Variants in EDEM3 observed in about 807,000 individuals in gnomAD.
EDEM3 encodes ER degradation enhancing alpha-mannosidase like protein 3.
In EDEM3, 60 loss-of-function variants were observed where a neutral mutation model predicts 110.2. That is an observed-to-expected ratio of 0.54 (90% CI 0.44 to 0.67). EDEM3 has a LOEUF of 0.67. EDEM3 is among the 30% of genes least tolerant of loss of function. The probability of loss-of-function intolerance (pLI) is 0.00; values close to 1 mark genes in which losing one functional copy is unlikely to be tolerated. For synonymous variants in EDEM3, 352 were observed against 382.9 expected, an observed-to-expected ratio of 0.92 and a Z score of 0.94; for missense variants, 996 against 1,121.0, an observed-to-expected ratio of 0.89 and a Z score of 1.59.
intron 6 of EDEM3, among the ~76,000 whole-genome samples, chr1:184,731,297 G>C (rs1331689955): frequency 2.0e-5 from 3 of 152,012 alleles, no homozygotes; most frequent in African/African-American, 7.3e-5. Flanking sequence ...ATTTTCTTAG[G>C]GGAAAACCAA....
intron 1 of EDEM3, among the ~76,000 whole-genome samples, chr1:184,751,796 C>T (rs910838501): frequency 1.3e-5 from 2 of 152,132 alleles, no homozygotes; most frequent in Admixed American, 6.5e-5. Flanking sequence ...TCTTGTTGCC[C>T]GGGCTGGAGT....
intron 19 of EDEM3, among the ~76,000 whole-genome samples, chr1:184,694,676 C>T (rs1025708294): frequency 6.6e-6 from 1 of 151,940 alleles, no homozygotes; most frequent in African/African-American, 2.4e-5. Context: ...CAAAATGTGT[C>T]AGTGTTAGAA....
At chr1:184,714,610 CTGG>C (rs960693836) in intron 13 of EDEM3, among the ~76,000 whole-genome samples, 2 of 152,124 alleles carry the variant, frequency 1.3e-5, no homozygotes, top group Non-Finnish European at 2.9e-5. Context: ...CCACAAGGCA[CTGG>C]TTGGGGTCCA....
chr1:184,697,998 CACAA>C (rs57989932), intron 19 of EDEM3, among the ~76,000 whole-genome samples: 3,281 of 151,452 alleles, frequency 0.022, 41 homozygotes, highest in African/African-American at 0.041. Flanking sequence ...TGCGCACACA[CACAA>C]ACAGAGAGGT....
intron 2 of EDEM3, among the ~76,000 whole-genome samples, chr1:184,746,152 T>C (rs112148998): frequency 1.5e-3 from 224 of 152,320 alleles, no homozygotes; most frequent in African/African-American, 5.2e-3. Flanking sequence ...TCGTTATTAA[T>C]AGTCATGCCA....
rs1062994 is a variant in EDEM3 at position 184,706,680 on chromosome 1, G to A, written c.2166C>T (p.Asn722=). 623,699 of 1,612,514 alleles carry A rather than the reference G, an allele frequency of 0.39. 126,839 individuals are homozygous for A. Among genetic ancestry groups the A allele is most frequent in the East Asian group, 0.53 (23,606 of 44,832 alleles). ...CACCAATGGCTCCAGCATTCTGGAT[G>A]TTGCGTGCCTTTTCTGCAAACATGC... ...GQCMFAEKAR[N]IQNAGAIGGI... The change falls in exon 18 of 20, where the codon AAC becomes AAT. Residue 722 remains asparagine (N), a synonymous_variant. Coordinates refer to ENST00000318130, the MANE Select transcript of EDEM3 (RefSeq NM_025191.4).
chr1:184,712,136 CA>C (rs1650281971), intron 14 of EDEM3, among the ~76,000 whole-genome samples: 1 of 152,004 alleles, frequency 6.6e-6, no homozygotes, highest in Non-Finnish European at 1.5e-5. Context: ...CCATGTTAGC[CA>C]GGATGGTCTC....
chr1:184,728,617 T>TA (rs1558060758), intron 6 of EDEM3, among the ~76,000 whole-genome samples: 1 of 151,746 alleles, frequency 6.6e-6, no homozygotes, highest in Admixed American at 6.6e-5. Flanking sequence ...TTTTTTTTTT[T>TA]AATTTTTTGT....
rs1362537811 is a variant in EDEM3, at chr1:184,749,734, A to G, written c.159-142T>C. 7 of 658,574 alleles carry G rather than the reference A, an allele frequency of 1.1e-5. No individual in the cohort carries two copies. The Admixed American group carries it at 2.4e-4, about 23-fold the overall frequency. 40.8% of individuals were successfully genotyped at this position (658,574 alleles called of 1,614,324 possible). The stretch of plus-strand genomic sequence containing the variant: ...AAAAATTTAGGTAGAAAGGGACATA[A>G]ACAGAATCAGAAACTACAACAGCTA... On this transcript the variant is annotated intron_variant, in intron 1 of 19. Coordinates refer to ENST00000318130, the MANE Select transcript of EDEM3 (RefSeq NM_025191.4).
At chr1:184,746,169 G>C (rs1264081607) in intron 2 of EDEM3, among the ~76,000 whole-genome samples, 3 of 152,176 alleles carry the variant, frequency 2.0e-5, no homozygotes, top group Non-Finnish European at 2.9e-5. Flanking sequence ...GCCAATAAGT[G>C]TTAAAAACCC....
intron 2 of EDEM3, among the ~76,000 whole-genome samples, chr1:184,746,368 G>A (rs1270370482): frequency 1.3e-5 from 2 of 152,230 alleles, no homozygotes; most frequent in African/African-American, 4.8e-5. Flanking sequence ...GTACTATCTG[G>A]AGAACAAGTT....
Position 184,721,344 on chromosome 1 carries a change from A to C in EDEM3, c.896T>G (p.Leu299Arg). 1.9e-6 allele frequency: 3 copies of C among 1,607,506 alleles called. No individual in the cohort carries two copies. Among genetic ancestry groups the C allele is most frequent in the Non-Finnish European group, 2.5e-6 (3 of 1,177,622 alleles). The change falls in exon 9 of 20, where the codon CTG becomes CGG. Residue 299 changes from leucine to arginine, a missense_variant. Leu to Arg is a moderately radical substitution (Grantham distance 102). Transcript: ENST00000318130. Reference sequence around the variant, plus strand: ...TCCAAGCAAGACATAGGCTTTCAACAGATATTCATAATATGAATCAATCCC... The same window carrying C: ...TCCAAGCAAGACATAGGCTTTCAACCGATATTCATAATATGAATCAATCCC... Reference protein sequence around the residue: ...GAGIDSYYEYLLKAYVLLGDD... With the variant: ...GAGIDSYYEYRLKAYVLLGDD...
chr1:184,706,602 T>C (rs774861944), intron 18 of EDEM3, 41 bp downstream of exon 18: 2 of 1,444,826 alleles, frequency 1.4e-6, no homozygotes, highest in East Asian at 2.4e-5. Context: ...CTAAAAATTA[T>C]CTCCCCTTCA....
At chr1:184,733,897 C>T (rs1651676119) in intron 5 of EDEM3, among the ~76,000 whole-genome samples, 1 of 151,370 alleles carries the variant, frequency 6.6e-6, no homozygotes, top group South Asian at 2.1e-4. Context: ...CATTCAGTTT[C>T]TTTTGGCTTA....
chr1:184,748,168 C>G (rs1030076152), intron 2 of EDEM3, among the ~76,000 whole-genome samples: 1 of 152,054 alleles, frequency 6.6e-6, no homozygotes, highest in Non-Finnish European at 1.5e-5. Context: ...AAAAACAGAA[C>G]GGGTGTAATG....
rs35957626 is a variant in EDEM3 at position 184,749,616 on chromosome 1, GAAAAA to G, written c.159-29_159-25del. 5,526 of 1,128,974 alleles carry G rather than the reference GAAAAA, an allele frequency of 4.9e-3. 29 individuals are homozygous for G. Among genetic ancestry groups the G allele is most frequent in the East Asian group, 0.03 (1,056 of 34,668 alleles). 69.9% of individuals were successfully genotyped at this position (1,128,974 alleles called of 1,614,324 possible). A position where few individuals can be genotyped will look rare whatever the true frequency, so the allele number is the denominator to read the frequency against. On this transcript the variant is annotated intron_variant, in intron 1 of 19. Coordinates refer to ENST00000318130, the MANE Select transcript of EDEM3 (RefSeq NM_025191.4). The stretch of plus-strand genomic sequence containing the variant: ...TCCTAATTTTAAAAGAGCAGAAATG[GAAAAA>G]AAAAAAAAAAAAGGTAAGTATATTC...
intron 18 of EDEM3, among the ~76,000 whole-genome samples, chr1:184,704,182 C>T (rs1028304611): frequency 2.0e-5 from 3 of 152,188 alleles, no homozygotes; most frequent in East Asian, 1.9e-4. Context: ...CTTAAACCAA[C>T]GTAATTATCT....
At chr1:184,710,928 G>A (rs961623375) in intron 15 of EDEM3, among the ~76,000 whole-genome samples, 6 of 152,184 alleles carry the variant, frequency 3.9e-5, no homozygotes, top group African/African-American at 9.6e-5. Context: ...TAACACTTAT[G>A]TAAAAATAAT....
intron 4 of EDEM3, among the ~76,000 whole-genome samples, chr1:184,735,580 T>A (rs867139892): frequency 6.6e-6 from 1 of 152,230 alleles, no homozygotes; most frequent in Admixed American, 6.5e-5. Context: ...GCTTTTTCAC[T>A]TGATTTGATA....
Sources: gnomAD v4.1 joint callset for allele counts (sites outside exome capture counted in the v4.1 genomes callset) on GRCh38, gnomAD v4.1.1 for gene constraint, MANE v1.5 for transcripts, NCBI Gene and HGNC (gene_info 2026-07-23, HGNC 2026-07-21) for gene names.